Variants in KCNIP4 observed in about 807,000 individuals in gnomAD.
KCNIP4 encodes potassium voltage-gated channel interacting protein 4, also known as Kv channel-interacting protein 4.
KCNIP4 carries 12 observed loss-of-function variants against 34.0 expected under a neutral mutation model. The observed-to-expected ratio is 0.35, with a 90% CI of 0.23 to 0.57. The LOEUF (loss-of-function observed/expected upper bound fraction) is 0.57, where lower values mean the gene tolerates loss of function less well. Among genes scored for constraint, KCNIP4 ranks in the 20% least tolerant of loss-of-function variants. KCNIP4 has a pLI of 0.83. For missense variants in KCNIP4, 238 were observed against 311.7 expected (o/e 0.76, Z 1.78); for synonymous variants, 124 against 102.2 (o/e 1.21, Z -1.29).
intron 1 of KCNIP4, among the ~76,000 whole-genome samples, chr4:21,115,388 A>G (rs1438160120): frequency 6.6e-6 from 1 of 152,340 alleles, no homozygotes; most frequent in East Asian, 1.9e-4. Context: ...AAAACACACT[A>G]TGAAACTCAT....
At chr4:21,732,976 G>T (rs1460255442) in intron 1 of KCNIP4, among the ~76,000 whole-genome samples, 2 of 152,042 alleles carry the variant, frequency 1.3e-5, no homozygotes, top group African/African-American at 4.8e-5. Flanking sequence ...AAGATAACAT[G>T]TTTTAAGAGA....
chr4:21,673,802 G>C (rs1031908092), intron 1 of KCNIP4, among the ~76,000 whole-genome samples: 4 of 152,148 alleles, frequency 2.6e-5, no homozygotes, highest in Non-Finnish European at 5.9e-5. Context: ...TTAAAAAACA[G>C]CTGATTTCAG....
chr4:21,228,479 A>G (rs1047224275), intron 1 of KCNIP4, among the ~76,000 whole-genome samples: 9 of 152,126 alleles, frequency 5.9e-5, no homozygotes, highest in Admixed American at 1.3e-4. Context: ...TAGCAGTGTG[A>G]GAATGGACTA....
At chr4:21,617,305 T>C (rs759307236) in intron 1 of KCNIP4, among the ~76,000 whole-genome samples, 2 of 152,188 alleles carry the variant, frequency 1.3e-5, no homozygotes, top group Non-Finnish European at 2.9e-5. Context: ...GTAGTCCCTC[T>C]GCTATGAGAA....
At chr4:21,225,721 A>G (rs1412448582) in intron 1 of KCNIP4, among the ~76,000 whole-genome samples, 4 of 152,164 alleles carry the variant, frequency 2.6e-5, no homozygotes, top group Admixed American at 6.5e-5. Flanking sequence ...CTTTTAAATA[A>G]TGACTGAGCT....
chr4:20,884,796 G>C lies in KCNIP4; in HGVS notation c.62-2087C>G, dbSNP rs556286702. 6.7e-4 allele frequency among the ~76,000 whole-genome samples: 101 copies of C among 151,322 alleles called. No individual in the cohort carries two copies. In the South Asian group the frequency reaches 0.01, roughly 16 times the overall value. On this transcript the variant is annotated intron_variant, in intron 1 of 8. Transcript: ENST00000382152. ...GATCTCAGTTCACTGCAACCTCCAGGTTCAAGCAATTCTCTTGCCTCAGCC... is the reference window on the plus strand; with the variant it reads ...GATCTCAGTTCACTGCAACCTCCAGCTTCAAGCAATTCTCTTGCCTCAGCC...
intron 1 of KCNIP4, among the ~76,000 whole-genome samples, chr4:20,940,073 C>T (rs374612647): frequency 6.6e-6 from 1 of 152,040 alleles, no homozygotes; most frequent in East Asian, 1.9e-4. Context: ...TCTCTCAATC[C>T]ATCAACCATT....
At chr4:21,210,767 T>C (rs572330507) in intron 1 of KCNIP4, among the ~76,000 whole-genome samples, 1 of 152,304 alleles carries the variant, frequency 6.6e-6, no homozygotes, top group African/African-American at 2.4e-5. Context: ...TCTCAAATAA[T>C]TTCTTAATGT....
chr4:21,334,154 A>G (rs1411801783), intron 1 of KCNIP4, among the ~76,000 whole-genome samples: 1 of 152,076 alleles, frequency 6.6e-6, no homozygotes, highest in Non-Finnish European at 1.5e-5. Context: ...AAGCTCAGAA[A>G]TCAAGGGTTC....
chr4:21,553,624 C>A (rs573835181), intron 1 of KCNIP4, among the ~76,000 whole-genome samples: 1 of 151,954 alleles, frequency 6.6e-6, no homozygotes, highest in Admixed American at 6.5e-5. Context: ...CAGGAGATGT[C>A]ACCAGGATTA....
intron 1 of KCNIP4, among the ~76,000 whole-genome samples, chr4:21,186,003 C>T (rs1391883150): frequency 6.6e-6 from 1 of 152,174 alleles, no homozygotes; most frequent in Non-Finnish European, 1.5e-5. Context: ...TGCTCTCTAT[C>T]CTAGAGAGTA....
chr4:20,907,920 T>C (rs1727935100), intron 1 of KCNIP4, among the ~76,000 whole-genome samples: 1 of 152,122 alleles, frequency 6.6e-6, no homozygotes, highest in African/African-American at 2.4e-5. Flanking sequence ...GTCAAGTTTT[T>C]TTTAGCTAAT....
chr4:21,389,924 T>C (rs1414982972), intron 1 of KCNIP4, among the ~76,000 whole-genome samples: 3 of 151,484 alleles, frequency 2.0e-5, no homozygotes, highest in Non-Finnish European at 4.4e-5. Flanking sequence ...CCCAACAGTG[T>C]AAAAGTGTTT....
At chr4:21,678,354 T>A (rs918323085) in intron 1 of KCNIP4, among the ~76,000 whole-genome samples, 3 of 132,270 alleles carry the variant, frequency 2.3e-5, no homozygotes, top group Non-Finnish European at 3.1e-5. Context: ...GCAGAGGCAA[T>A]TCTTAGTTAA....
intron 1 of KCNIP4, among the ~76,000 whole-genome samples, chr4:20,986,496 A>G (rs1736591285): frequency 6.6e-6 from 1 of 152,218 alleles, no homozygotes; most frequent in African/African-American, 2.4e-5. Flanking sequence ...GTTAAAAAAA[A>G]ATTACAGAAA....
chr4:20,896,894 C>T (rs992088977), intron 1 of KCNIP4, among the ~76,000 whole-genome samples: 2 of 151,752 alleles, frequency 1.3e-5, no homozygotes, highest in Non-Finnish European at 2.9e-5. Context: ...AAATGTAAGA[C>T]AAGGGGCTCT....
intron 1 of KCNIP4, among the ~76,000 whole-genome samples, chr4:21,322,381 C>T (rs1269419052): frequency 4.6e-5 from 7 of 152,110 alleles, no homozygotes; most frequent in Admixed American, 3.9e-4. Context: ...CTGAAGTGGG[C>T]TTGCAAAGCC....
chr4:21,855,782 C>G (rs1196380409), intron 1 of KCNIP4: 1 of 152,232 alleles, frequency 6.6e-6, no homozygotes, highest in African/African-American at 2.4e-5. Context: ...TCTGGACAGT[C>G]TGAAACTATC....
chr4:21,569,297 G>A (rs182052415), intron 1 of KCNIP4, among the ~76,000 whole-genome samples: 2 of 110,328 alleles, frequency 1.8e-5, no homozygotes, highest in African/African-American at 6.9e-5. Context: ...AGATTTTGTT[G>A]AATATTTCAA....
Sources: allele counts gnomAD v4.1 joint callset (sites outside exome capture counted in the v4.1 genomes callset), GRCh38; gene constraint gnomAD v4.1.1; transcripts MANE v1.5; gene names NCBI Gene and HGNC (gene_info 2026-07-23, HGNC 2026-07-21).